The following SCUBE2 variants were observed in gnomAD, a reference collection of about 807,000 sequenced individuals.
SCUBE2 encodes signal peptide, CUB domain and EGF like domain containing 2, also known as signal peptide, CUB and EGF-like domain-containing protein 2.
SCUBE2 carries 114 observed loss-of-function variants against 125.9 expected under a neutral mutation model. The ratio of observed to expected loss-of-function variants is 0.91; its 90% CI spans 0.78 to 1.06. The LOEUF is 1.06. SCUBE2 is among the 50% of genes least tolerant of loss of function. The pLI is 0.00. For synonymous variants in SCUBE2, 459 were observed against 492.9 expected (o/e 0.93, Z 0.91); for missense variants, 1,255 against 1,301.8 (o/e 0.96, Z 0.55).
At chr11:9,045,174 A>G (rs1857582901) in intron 16 of SCUBE2, among the ~76,000 whole-genome samples, 1 of 152,138 alleles carries the variant, frequency 6.6e-6, no homozygotes, top group Non-Finnish European at 1.5e-5. Flanking sequence ...GGTGCTCAAT[A>G]AATATTTATT....
intron 16 of SCUBE2, among the ~76,000 whole-genome samples, chr11:9,045,606 GACAGACACACACACACACACACAC>G (rs1365062527): frequency 6.9e-5 from 8 of 115,242 alleles, no homozygotes; most frequent in East Asian, 2.6e-4. Context: ...AAGACAGACA[GACAGACACACACACACACACACAC>G]ACACACACAC....
chr11:9,051,461 T>C (rs1321717522), intron 13 of SCUBE2, among the ~76,000 whole-genome samples: 1 of 152,106 alleles, frequency 6.6e-6, no homozygotes, highest in Admixed American at 6.5e-5. Context: ...GAGCTGTTGT[T>C]CCAGACACAG....
At chr11:9,084,936 G>A (rs1391309206) in intron 2 of SCUBE2, among the ~76,000 whole-genome samples, 2 of 152,104 alleles carry the variant, frequency 1.3e-5, no homozygotes, top group African/African-American at 2.4e-5. Context: ...TTTAGAGACA[G>A]GCATCTCACT....
rs1862173070 is a variant in SCUBE2 at position 9,087,311 on chromosome 11, C to T, written c.256+2396G>A. Among the ~76,000 whole-genome samples, 3 of 152,074 alleles carry T rather than the reference C, an allele frequency of 2.0e-5. No homozygotes were observed. In the South Asian group the frequency reaches 6.2e-4, roughly 32 times the overall value. ...TAAAGTCAGTGGAATGGTTTTGTGC[C>T]ACCAGAGAGCACACAGCAACTGGAG... is the stretch of plus-strand genomic sequence containing the variant. On this transcript the variant is annotated intron_variant, in intron 2 of 22. Transcript: ENST00000649792.
At chr11:9,047,878 G>A (rs967095389) in intron 15 of SCUBE2, 65 bp downstream of exon 15, 6 of 1,513,278 alleles carry the variant, frequency 4.0e-6, no homozygotes, top group Non-Finnish European at 4.5e-6. Flanking sequence ...AATAAAAAGT[G>A]AAAGGCAAAG....
intron 16 of SCUBE2, among the ~76,000 whole-genome samples, chr11:9,035,886 T>TTA (rs1281840537): frequency 6.6e-6 from 1 of 152,112 alleles, no homozygotes; most frequent in Non-Finnish European, 1.5e-5. Context: ...AAATACAATT[T>TTA]TATATATATA....
intron 7 of SCUBE2, among the ~76,000 whole-genome samples, chr11:9,061,313 T>C (rs1181016622): frequency 6.6e-6 from 1 of 151,962 alleles, no homozygotes; most frequent in African/African-American, 2.4e-5. Flanking sequence ...TCCCAACACT[T>C]TGGGAGGCTG....
At chr11:9,051,225 T>TCTACCTACCTACCTAC (rs1555245377) in intron 13 of SCUBE2, among the ~76,000 whole-genome samples, 65 of 132,410 alleles carry the variant, frequency 4.9e-4, no homozygotes, top group African/African-American at 1.3e-3. Context: ...TATCTATCTA[T>TCTACCTACCTACCTAC]CTACCTACCT....
chr11:9,060,598 C>T, intron 7 of SCUBE2, 74 bp from the exon 8 acceptor site: 1 of 1,262,088 alleles, frequency 7.9e-7, no homozygotes, highest in Non-Finnish European at 1.1e-6. Flanking sequence ...TCACAGAAGC[C>T]AAGAAGCATG....
In SCUBE2 at chr11:9,027,716, C is replaced by T. The variant is rs560601617; in HGVS notation, c.2504-155G>A. 5.3e-5 allele frequency among the ~76,000 whole-genome samples: 8 copies of T among 152,260 alleles called. No homozygotes were observed. The South Asian group carries it at 1.5e-3, about 28-fold the overall frequency. Reference sequence around the variant, plus strand: ...AATGAGTCTGTCCTTCCCAGAGGGCCCCCTGTGGGAGCCAAACCATTAGCT... The same window carrying T: ...AATGAGTCTGTCCTTCCCAGAGGGCTCCCTGTGGGAGCCAAACCATTAGCT... On this transcript the variant is annotated intron_variant, in intron 19 of 22. Coordinates refer to ENST00000649792, the MANE Select transcript of SCUBE2 (RefSeq NM_001367977.2).
intron 14 of SCUBE2, chr11:9,050,246 TGGC>T: frequency 5.4e-6 from 1 of 186,572 alleles, no homozygotes; most frequent in Non-Finnish European, 1.1e-5. Context: ...TTCATTTCTT[TGGC>T]TTATATTTCA....
chr11:9,033,803 AAAAGGG>A lies in SCUBE2; in HGVS notation c.2003-13_2003-8del, dbSNP rs774092818. On this transcript the variant is annotated splice_polypyrimidine_tract_variant and splice_region_variant and intron_variant, in intron 16 of 22. Coordinates refer to ENST00000649792, the MANE Select transcript of SCUBE2 (RefSeq NM_001367977.2). ...GTCCCAGCCCTGCAACTGACTAGCCAAAAGGGAAACAACCTGGTCAGTGTGGACACA... is the reference window on the plus strand; with the variant it reads ...GTCCCAGCCCTGCAACTGACTAGCCAAAACAACCTGGTCAGTGTGGACACA... The A allele has an allele frequency of 2.5e-6, 4 of 1,613,732 alleles. No individual in the cohort carries two copies. The African/African-American group carries it at 5.3e-5, about 22-fold the overall frequency.
chr11:9,035,307 C>T (rs142559736), intron 16 of SCUBE2, among the ~76,000 whole-genome samples: 4 of 152,308 alleles, frequency 2.6e-5, no homozygotes, highest in Non-Finnish European at 5.9e-5. Context: ...CACCCTTTTA[C>T]AGAAACAGAG....
chr11:9,049,572 TC>T (rs1260655800), intron 14 of SCUBE2, among the ~76,000 whole-genome samples: 4 of 152,174 alleles, frequency 2.6e-5, no homozygotes, highest in African/African-American at 9.7e-5. Flanking sequence ...CAATGGCCCC[TC>T]CCTTCACCCC....
chr11:9,051,898 C>T (rs1858455318), intron 13 of SCUBE2, among the ~76,000 whole-genome samples: 1 of 152,174 alleles, frequency 6.6e-6, no homozygotes, highest in African/African-American at 2.4e-5. Context: ...ATGATGTATG[C>T]CCTGGCTGAG....
chr11:9,066,923 G>C (rs1039490357), intron 5 of SCUBE2, 110 bp from the exon 6 acceptor site: 16 of 846,988 alleles, frequency 1.9e-5, no homozygotes, highest in African/African-American at 3.3e-5. Flanking sequence ...TGAGCACCTA[G>C]TGCATGCCAG....
At chr11:9,021,300 G>T (rs1172342988) in intron 22 of SCUBE2, 103 bp from the exon 23 acceptor site, 3 of 945,722 alleles carry the variant, frequency 3.2e-6, no homozygotes, top group Non-Finnish European at 4.3e-6. Context: ...AGCTTGCTTA[G>T]CTGAAAAACA....
intron 15 of SCUBE2, 36 bp from the exon 16 acceptor site, chr11:9,047,598 A>G (rs1356696382): frequency 6.3e-7 from 1 of 1,597,526 alleles, no homozygotes. Flanking sequence ...GCGGGAGGAG[A>G]TCAGGCTGCA....
At chr11:9,038,728 G>A (rs1856954485) in intron 16 of SCUBE2, among the ~76,000 whole-genome samples, 1 of 152,194 alleles carries the variant, frequency 6.6e-6, no homozygotes, top group Admixed American at 6.5e-5. Flanking sequence ...CAGCATAAGG[G>A]GGTAGGGCAA....
Sources: allele counts gnomAD v4.1 joint callset (sites outside exome capture counted in the v4.1 genomes callset), GRCh38; gene constraint gnomAD v4.1.1; transcripts MANE v1.5; gene names NCBI Gene and HGNC (gene_info 2026-07-23, HGNC 2026-07-21).